The following RPL28 variants were observed in gnomAD, a reference collection of about 807,000 sequenced individuals.
RPL28 encodes the protein ribosomal protein L28, also known as large ribosomal subunit protein eL28.
Under a neutral mutation model 12.5 loss-of-function variants are expected in RPL28, and 4 were observed. The observed-to-expected ratio is 0.32, with a 90% CI of 0.16 to 0.73. RPL28 has a LOEUF of 0.73. RPL28 is among the 30% of genes least tolerant of loss of function. The pLI is 0.66. For missense variants in RPL28, 214 were observed against 197.7 expected (o/e 1.08, Z -0.49); for synonymous variants, 91 against 72.5 (o/e 1.26, Z -1.30).
intron 4 of RPL28, among the ~76,000 whole-genome samples, chr19:55,398,022 C>A (rs1275981570): frequency 6.6e-6 from 1 of 151,974 alleles, no homozygotes; most frequent in Non-Finnish European, 1.5e-5. Context: ...ATGGTGAAAC[C>A]CTGTCTCTAC....
chr19:55,391,164 C>G lies in RPL28; in HGVS notation c.*2832C>G, dbSNP rs2123288507. 1.5e-5 allele frequency: 3 copies of G among 204,316 alleles called. No individual in the cohort carries two copies. In the South Asian group the frequency reaches 5.1e-4, roughly 35 times the overall value. 12.7% of individuals were successfully genotyped at this position (204,316 alleles called of 1,614,324 possible). On this transcript the variant is annotated 3_prime_UTR_variant, in exon 5 of 5. Coordinates refer to ENST00000344063, the MANE Select transcript of RPL28 (RefSeq NM_000991.5). ...ATCCAGAGTGCTGAAAGAACCTCCC[C>G]CAGGTCATCCTATCCCCAAGAGTGA...
intron 4 of RPL28, chr19:55,401,755 T>C (rs573318166): frequency 6.6e-5 from 106 of 1,613,148 alleles, no homozygotes; most frequent in Admixed American, 2.5e-4. Flanking sequence ...CAGCAGGCAC[T>C]TGATGGTCTG....
intron 4 of RPL28, chr19:55,401,317 G>A: frequency 2.1e-6 from 2 of 945,956 alleles, no homozygotes; most frequent in Admixed American, 5.6e-5. Flanking sequence ...AACAAATCCA[G>A]GTCCCAGTGC....
chr19:55,395,250 C>T (rs184271561), downstream of RPL28, among the ~76,000 whole-genome samples: 29 of 152,214 alleles, frequency 1.9e-4, no homozygotes, highest in East Asian at 5.4e-3. Flanking sequence ...GATTCTTCTG[C>T]CTCAGCCTCC....
At chr19:55,387,226 C>A in intron 3 of RPL28, 1 of 1,489,432 alleles carries the variant, frequency 6.7e-7, no homozygotes, top group Non-Finnish European at 9.2e-7. Context: ...AGTCGGGGGT[C>A]TCTAATGGAG....
intron 4 of RPL28, chr19:55,400,706 A>C (rs1161795609): frequency 1.3e-5 from 2 of 152,322 alleles, no homozygotes; most frequent in African/African-American, 4.8e-5. Flanking sequence ...CAAAGCACTG[A>C]GCAGAGACTA....
At chr19:55,396,314 C>T (rs746779166), downstream of RPL28, among the ~76,000 whole-genome samples, 1 of 150,738 alleles carries the variant, frequency 6.6e-6, no homozygotes, top group Non-Finnish European at 1.5e-5. Flanking sequence ...ATACAGCATA[C>T]ACACAGAAAA....
At chr19:55,386,789 T>C (rs770237056) in intron 3 of RPL28, 96 bp downstream of exon 3, 25 of 1,610,520 alleles carry the variant, frequency 1.6e-5, no homozygotes, top group Non-Finnish European at 2.0e-5. Context: ...GTAACTGCCA[T>C]CGCGGCGGGC....
In RPL28 at chr19:55,388,410, G is replaced by A. The variant is rs999208025; in HGVS notation, c.*78G>A. ...TGGGCCTCCCTTTTTGAAACGCTCT[G>A]GGGAGCTCTGGCCCTGTGTGTTGTC... On this transcript the variant is annotated 3_prime_UTR_variant, in exon 5 of 5. Coordinates refer to ENST00000344063, the MANE Select transcript of RPL28 (RefSeq NM_000991.5). The A allele has an allele frequency of 3.0e-5, 42 of 1,416,070 alleles. No individual in the cohort carries two copies. Among genetic ancestry groups the A allele is most frequent in the Non-Finnish European group, 3.4e-5 (37 of 1,081,546 alleles). The allele number at this position is 1,416,070 out of a possible 1,614,324, so 87.7% of individuals were successfully genotyped here. A position where few individuals can be genotyped will look rare whatever the true frequency, so the allele number is the denominator to read the frequency against.
chr19:55,391,624 CCT>C lies in RPL28; in HGVS notation c.*3297_*3298del, dbSNP rs1421721012. 6 of 1,546,320 alleles carry C rather than the reference CCT, an allele frequency of 3.9e-6. No individual in the cohort carries two copies. Among genetic ancestry groups the C allele is most frequent in the South Asian group, 1.2e-5 (1 of 83,952 alleles). ...GTGCAACCTTGGGCAAGTTCCTCAA[CCT>C]CTCTGTGTCTTCGTACCCTCATCTG... On this transcript the variant is annotated 3_prime_UTR_variant, in exon 5 of 5. Transcript: ENST00000344063.
intron 3 of RPL28, chr19:55,387,392 G>C: frequency 6.4e-7 from 1 of 1,550,528 alleles, no homozygotes; most frequent in Non-Finnish European, 8.7e-7. Flanking sequence ...TCCTGTCTCA[G>C]GGACACGTAG....
At chr19:55,393,556 T>A (rs2090004943), downstream of RPL28, among the ~76,000 whole-genome samples, 1 of 151,872 alleles carries the variant, frequency 6.6e-6, no homozygotes, top group African/African-American at 2.4e-5. Context: ...TCATCCTGAA[T>A]GGACACCCAG....
At chr19:55,386,779 G>T in intron 3 of RPL28, 86 bp downstream of exon 3, 1 of 1,611,926 alleles carries the variant, frequency 6.2e-7, no homozygotes, top group Non-Finnish European at 8.5e-7. Flanking sequence ...AGGAAGAGCG[G>T]TAACTGCCAT....
In RPL28 at chr19:55,387,629, G is replaced by A. The variant is rs191496193; in HGVS notation, c.206-301G>A. 1.6e-4 allele frequency: 230 copies of A among 1,396,820 alleles called. No homozygotes were observed. In the African/African-American group the frequency reaches 3.1e-3, roughly 19 times the overall value. 86.5% of individuals were successfully genotyped at this position (1,396,820 alleles called of 1,614,324 possible). A position where few individuals can be genotyped will look rare whatever the true frequency, so the allele number is the denominator to read the frequency against. ...CCCATTGCCAGGAGCGTGGGCTCTG[G>A]CTGGACCTGGATCAGATCCTAACTG... On this transcript the variant is annotated intron_variant, in intron 3 of 4. Transcript: ENST00000344063.
intron 4 of RPL28, chr19:55,401,362 A>G (rs1031537372): frequency 6.7e-6 from 7 of 1,048,962 alleles, no homozygotes; most frequent in South Asian, 1.5e-5. Flanking sequence ...CCATAATTTA[A>G]ATAACTTAGA....
At position 55,388,857 on chromosome 19, in the gene RPL28, C is replaced by T. The variant is rs1166418951; in HGVS notation, c.*525C>T. The T allele has an allele frequency of 3.0e-6, 3 of 986,276 alleles. No individual in the cohort carries two copies. In the African/African-American group the frequency reaches 5.2e-5, roughly 17 times the overall value. 61.1% of individuals were successfully genotyped at this position (986,276 alleles called of 1,614,324 possible). A position where few individuals can be genotyped will look rare whatever the true frequency, so the allele number is the denominator to read the frequency against. ...GGGGATGGGCTTTACTTGATGCAACCTCATCTCTGAGATGGGCAACTTGGT... is the reference window on the plus strand; with the variant it reads ...GGGGATGGGCTTTACTTGATGCAACTTCATCTCTGAGATGGGCAACTTGGT... On this transcript the variant is annotated 3_prime_UTR_variant, in exon 5 of 5. Transcript: ENST00000344063.
intron 4 of RPL28, chr19:55,400,513 C>G (rs974104018): frequency 6.6e-6 from 1 of 152,188 alleles, no homozygotes; most frequent in African/African-American, 2.4e-5. Flanking sequence ...TGGGCCTGAC[C>G]TAATCCGGTG....
Position 55,392,052 on chromosome 19 carries a change from G to T in RPL28, c.*3720G>T. The T allele has an allele frequency of 1.9e-6, 2 of 1,038,352 alleles. No individual in the cohort carries two copies. Among genetic ancestry groups the T allele is most frequent in the Non-Finnish European group, 2.3e-6 (2 of 864,642 alleles). 64.3% of individuals were successfully genotyped at this position (1,038,352 alleles called of 1,614,324 possible). A position where few individuals can be genotyped will look rare whatever the true frequency, so the allele number is the denominator to read the frequency against. On this transcript the variant is annotated 3_prime_UTR_variant, in exon 5 of 5. Transcript: ENST00000344063. ...TATCAATTCCCCTGTTTCTCTTGTA[G>T]CCAGTTACTAGAATAAAATCATCTA... is the stretch of plus-strand genomic sequence containing the variant.
intron 4 of RPL28, among the ~76,000 whole-genome samples, chr19:55,402,102 G>C (rs763527294): frequency 1.3e-5 from 2 of 152,194 alleles, no homozygotes; most frequent in Non-Finnish European, 2.9e-5. Context: ...CCAGACTTGA[G>C]TCCTATTATG....
Sources: allele counts gnomAD v4.1 joint callset (sites outside exome capture counted in the v4.1 genomes callset), GRCh38; gene constraint gnomAD v4.1.1; transcripts MANE v1.5; gene names NCBI Gene and HGNC (gene_info 2026-07-23, HGNC 2026-07-21).